Variants in CSMD1 observed in about 807,000 individuals in gnomAD.
CSMD1 encodes CUB and Sushi multiple domains 1.
Under a neutral mutation model 417.5 loss-of-function variants are expected in CSMD1, and 213 were observed. The observed-to-expected ratio is 0.51, with a 90% CI of 0.46 to 0.57. The LOEUF (loss-of-function observed/expected upper bound fraction) is 0.57, where lower values mean the gene tolerates loss of function less well. CSMD1 is among the 20% of genes least tolerant of loss of function. The pLI, the probability that CSMD1 is intolerant of heterozygous loss-of-function variation, is 0.00. For synonymous variants in CSMD1, 2,862 were observed against 1,736.8 expected (o/e 1.65, Z -16.11); for missense variants, 6,923 against 4,529.7 (o/e 1.53, Z -15.17).
At chr8:3,499,953 G>C (rs944608017) in intron 10 of CSMD1, among the ~76,000 whole-genome samples, 3 of 152,068 alleles carry the variant, frequency 2.0e-5, no homozygotes, top group Admixed American at 1.3e-4. Flanking sequence ...ACAGTCATGT[G>C]GGCTGCAGGT....
At chr8:4,258,367 G>GAGGA (rs1392924580) in intron 3 of CSMD1, among the ~76,000 whole-genome samples, 1 of 27,008 alleles carries the variant, frequency 3.7e-5, no homozygotes, top group African/African-American at 1.6e-4. Context: ...AGGAGGGAAG[G>GAGGA]AGGGAGGGAA....
At chr8:4,390,579 T>A (rs898552159) in intron 3 of CSMD1, among the ~76,000 whole-genome samples, 9 of 151,352 alleles carry the variant, frequency 5.9e-5, no homozygotes, top group African/African-American at 2.2e-4. Flanking sequence ...AGTGGTGCGA[T>A]CTCAGCTCCC....
intron 3 of CSMD1, among the ~76,000 whole-genome samples, chr8:4,301,108 G>C (rs1371015122): frequency 6.6e-6 from 1 of 152,152 alleles, no homozygotes; most frequent in Admixed American, 6.5e-5. Flanking sequence ...TGAAACTCTT[G>C]CAAAATTGCC....
intron 26 of CSMD1, among the ~76,000 whole-genome samples, chr8:3,265,152 T>G (rs908700090): frequency 3.9e-5 from 6 of 152,246 alleles, no homozygotes; most frequent in African/African-American, 9.6e-5. Context: ...TAAAAATATT[T>G]AAGGAATTTA....
At chr8:4,452,301 G>T (rs891970272) in intron 2 of CSMD1, among the ~76,000 whole-genome samples, 1 of 152,134 alleles carries the variant, frequency 6.6e-6, no homozygotes, top group Non-Finnish European at 1.5e-5. Context: ...CAACTATTTA[G>T]GTGAATTATT....
intron 3 of CSMD1, among the ~76,000 whole-genome samples, chr8:4,330,735 T>G (rs1319771826): frequency 6.6e-6 from 1 of 152,204 alleles, no homozygotes; most frequent in Non-Finnish European, 1.5e-5. Context: ...AGTTCGTGAC[T>G]TATCTGCATT....
chr8:3,652,155 C>G (rs568991012), intron 7 of CSMD1, among the ~76,000 whole-genome samples: 1 of 151,580 alleles, frequency 6.6e-6, no homozygotes, highest in East Asian at 2.0e-4. Context: ...GCGCTTACCA[C>G]CATCAGAGCG....
At chr8:4,520,915 T>A (rs981530720) in intron 2 of CSMD1, among the ~76,000 whole-genome samples, 1 of 152,194 alleles carries the variant, frequency 6.6e-6, no homozygotes, top group Admixed American at 6.5e-5. Context: ...GACACATGGG[T>A]TAACATTATT....
At chr8:3,860,274 A>T (rs936194897) in intron 5 of CSMD1, among the ~76,000 whole-genome samples, 1 of 152,156 alleles carries the variant, frequency 6.6e-6, no homozygotes, top group Non-Finnish European at 1.5e-5. Context: ...AGTTACTGAG[A>T]ACTCTGCCCT....
intron 2 of CSMD1, among the ~76,000 whole-genome samples, chr8:4,456,824 G>A (rs914570058): frequency 3.3e-5 from 5 of 151,964 alleles, no homozygotes; most frequent in Admixed American, 6.6e-5. Context: ...CTGAGCCAGT[G>A]GGTACCTGCA....
At chr8:4,621,205 G>A (rs1176090214) in intron 2 of CSMD1, among the ~76,000 whole-genome samples, 1 of 151,952 alleles carries the variant, frequency 6.6e-6, no homozygotes, top group Non-Finnish European at 1.5e-5. Flanking sequence ...CTGGGGATGA[G>A]ACCCAACACT....
rs150363103 is a variant in CSMD1 at position 3,870,210 on chromosome 8, A to G, written c.819-116168T>C. ...GAAAGTCAAGAAGAAAATGTCAACC[A>G]TATTTCTCTTTCTAGCAAAATTAAT... On this transcript the variant is annotated intron_variant, in intron 5 of 69. Transcript: ENST00000635120. Among the ~76,000 whole-genome samples, 280 of 152,332 alleles carry G rather than the reference A, an allele frequency of 1.8e-3. 1 individual carries two copies. The highest frequency in any genetic ancestry group is 1.7e-3 in the Non-Finnish European group (115 of 68,026).
intron 3 of CSMD1, among the ~76,000 whole-genome samples, chr8:4,151,855 G>C (rs77727758): frequency 0.019 from 2,921 of 152,098 alleles, 84 homozygotes; most frequent in African/African-American, 0.065. Flanking sequence ...ATATTTCCAT[G>C]TACCTTTTCT....
chr8:4,569,699 G>C (rs186289436), intron 2 of CSMD1, among the ~76,000 whole-genome samples: 4 of 152,108 alleles, frequency 2.6e-5, no homozygotes, highest in African/African-American at 7.2e-5. Context: ...AGCTTGATGG[G>C]AATAGCATTG....
intron 5 of CSMD1, among the ~76,000 whole-genome samples, chr8:3,937,367 G>A (rs1333519146): frequency 3.3e-5 from 5 of 152,104 alleles, no homozygotes; most frequent in Non-Finnish European, 5.9e-5. Context: ...GGAATCAACT[G>A]ACGTGGTAAA....
intron 11 of CSMD1, among the ~76,000 whole-genome samples, chr8:3,485,984 G>A (rs914116682): frequency 2.6e-5 from 4 of 152,160 alleles, no homozygotes; most frequent in East Asian, 1.9e-4. Flanking sequence ...TTCAATGAGC[G>A]ATTAGGCAGC....
In CSMD1 at chr8:4,032,333, G is replaced by A. The variant is rs184092848; in HGVS notation, c.416-234C>T. The stretch of plus-strand genomic sequence containing the variant: ...AGTGTAAATAAATGCATTTTGTTAA[G>A]AGAGAAAAATATAGTCCTGCTTTTA... On this transcript the variant is annotated intron_variant, in intron 3 of 69. Transcript: ENST00000635120. Among the ~76,000 whole-genome samples, 8 of 152,268 alleles carry A rather than the reference G, an allele frequency of 5.3e-5. No individual in the cohort carries two copies. In the South Asian group the frequency reaches 1.5e-3, roughly 28 times the overall value.
intron 3 of CSMD1, among the ~76,000 whole-genome samples, chr8:4,402,702 A>C (rs1240889517): frequency 6.6e-6 from 1 of 152,018 alleles, no homozygotes; most frequent in Admixed American, 6.6e-5. Context: ...AAGCAATGTG[A>C]AAACAGCCGT....
chr8:3,026,550 C>A (rs187680228), intron 51 of CSMD1, among the ~76,000 whole-genome samples: 8 of 149,664 alleles, frequency 5.3e-5, no homozygotes, highest in Non-Finnish European at 1.0e-4. Flanking sequence ...CTGGACCTCA[C>A]TGACTTCACT....
Sources: gnomAD v4.1 joint callset for allele counts (sites outside exome capture counted in the v4.1 genomes callset) on GRCh38, gnomAD v4.1.1 for gene constraint, MANE v1.5 for transcripts, NCBI Gene and HGNC (gene_info 2026-07-23, HGNC 2026-07-21) for gene names.